The following LINGO2 variants were observed in gnomAD, a reference collection of about 807,000 sequenced individuals.
LINGO2 encodes leucine-rich repeat and immunoglobulin-like domain-containing nogo receptor-interacting protein 2.
Under a neutral mutation model 30.6 loss-of-function variants are expected in LINGO2, and 14 were observed. That is an observed-to-expected ratio of 0.46 (90% confidence interval 0.30 to 0.72). LINGO2 has a LOEUF of 0.72. LINGO2 is among the 30% of genes least tolerant of loss of function. The pLI, the probability that LINGO2 is intolerant of heterozygous loss-of-function variation, is 0.07. For synonymous variants in LINGO2, 317 were observed against 288.5 expected (o/e 1.10, Z -1.00); for missense variants, 729 against 751.7 (o/e 0.97, Z 0.35).
intron 4 of LINGO2, among the ~76,000 whole-genome samples, chr9:28,127,681 T>G (rs1827277131): frequency 6.6e-6 from 1 of 152,178 alleles, no homozygotes; most frequent in Non-Finnish European, 1.5e-5. Flanking sequence ...GGTGGAAATG[T>G]TCTCTCTATG....
the LINGO2 span, among the ~76,000 whole-genome samples, chr9:28,743,700 AGTTTTTTT>A: frequency 1.3e-5 from 2 of 151,868 alleles, no homozygotes; most frequent in South Asian, 2.1e-4. Flanking sequence ...TGGGATGAGT[AGTTTTTTT>A]GTTTTTTTGT....
chr9:28,694,566 C>A, the LINGO2 span, among the ~76,000 whole-genome samples: 1 of 151,986 alleles, frequency 6.6e-6, no homozygotes, highest in African/African-American at 2.4e-5. Context: ...ACCAACTCCT[C>A]CTATCCTCAC....
At chr9:28,849,562 CA>C in the LINGO2 span, among the ~76,000 whole-genome samples, 1 of 151,994 alleles carries the variant, frequency 6.6e-6, no homozygotes, top group South Asian at 2.1e-4. Flanking sequence ...CCATAATTAA[CA>C]GAGGAAGCTG....
intron 1 of LINGO2, among the ~76,000 whole-genome samples, chr9:28,647,233 C>G (rs899397810): frequency 2.6e-5 from 4 of 152,074 alleles, no homozygotes; most frequent in African/African-American, 9.7e-5. Context: ...TGATCAAACT[C>G]AAAATATTAA....
At chr9:28,387,665 A>G (rs1327269371) in intron 2 of LINGO2, among the ~76,000 whole-genome samples, 1 of 152,120 alleles carries the variant, frequency 6.6e-6, no homozygotes, top group Non-Finnish European at 1.5e-5. Flanking sequence ...ACAACTGTGG[A>G]CGCGCCACCT....
chr9:28,018,511 A>C (rs751548310), intron 4 of LINGO2, among the ~76,000 whole-genome samples: 1 of 152,212 alleles, frequency 6.6e-6, no homozygotes, highest in Non-Finnish European at 1.5e-5. Context: ...GCAAAAAACC[A>C]AACTATTAAA....
intron 5 of LINGO2, among the ~76,000 whole-genome samples, chr9:27,963,409 G>C (rs536544637): frequency 4.6e-5 from 7 of 152,192 alleles, no homozygotes; most frequent in African/African-American, 1.7e-4. Context: ...AATGGAGAAA[G>C]AGAAATGAAT....
chr9:28,092,611 G>A (rs568512919), intron 4 of LINGO2, among the ~76,000 whole-genome samples: 5 of 151,730 alleles, frequency 3.3e-5, no homozygotes, highest in Non-Finnish European at 5.9e-5. Context: ...ATGAGTTAAT[G>A]GGTGCAGCAC....
chr9:28,048,703 G>A lies in LINGO2; in HGVS notation c.-86-36298C>T, dbSNP rs1824533999. 5.3e-5 allele frequency among the ~76,000 whole-genome samples: 8 copies of A among 150,614 alleles called. No individual in the cohort carries two copies. The South Asian group carries it at 1.7e-3, about 32-fold the overall frequency. ...CTACGATGCCAAAAGGCTGAAAATA[G>A]CATAAATGTCCAAGATTAAAGGAAA... is the stretch of plus-strand genomic sequence containing the variant. On this transcript the variant is annotated intron_variant, in intron 4 of 5. Coordinates refer to ENST00000379992, the Ensembl canonical transcript of LINGO2.
At chr9:28,291,368 T>A (rs1354262962) in intron 4 of LINGO2, among the ~76,000 whole-genome samples, 4 of 152,130 alleles carry the variant, frequency 2.6e-5, no homozygotes, top group African/African-American at 9.7e-5. Flanking sequence ...CATCCACGTG[T>A]TCCTTAGCCC....
At chr9:28,404,355 C>A (rs115071809) in intron 2 of LINGO2, among the ~76,000 whole-genome samples, 3,011 of 151,050 alleles carry the variant, frequency 0.02, 97 homozygotes, top group African/African-American at 0.069. Context: ...GAAAAAAAAT[C>A]AGCTTACTTT....
At chr9:28,256,238 A>T (rs1030683972) in intron 4 of LINGO2, among the ~76,000 whole-genome samples, 1 of 151,998 alleles carries the variant, frequency 6.6e-6, no homozygotes, top group Non-Finnish European at 1.5e-5. Flanking sequence ...TTTTTCTTCA[A>T]AAGTAAAATG....
chr9:28,566,701 T>C (rs1177013555), intron 1 of LINGO2, among the ~76,000 whole-genome samples: 4 of 152,158 alleles, frequency 2.6e-5, no homozygotes, highest in African/African-American at 4.8e-5. Flanking sequence ...AAAATGAAAG[T>C]AGTTTGTAAC....
chr9:28,454,588 A>G (rs578193811), intron 2 of LINGO2, among the ~76,000 whole-genome samples: 27 of 152,120 alleles, frequency 1.8e-4, no homozygotes, highest in Non-Finnish European at 3.5e-4. Context: ...TACATATTAT[A>G]TATATATACA....
chr9:29,003,859 T>C, the LINGO2 span, among the ~76,000 whole-genome samples: 135 of 152,164 alleles, frequency 8.9e-4, no homozygotes, highest in African/African-American at 3.2e-3. Context: ...TCTGTATCAC[T>C]AGATTTTATT....
chr9:28,264,905 A>T (rs1822692301), intron 4 of LINGO2, among the ~76,000 whole-genome samples: 1 of 151,940 alleles, frequency 6.6e-6, no homozygotes, highest in Admixed American at 6.6e-5. Context: ...GACTTGTCTA[A>T]TCAGTCTGAA....
chr9:28,852,607 A>AT, the LINGO2 span, among the ~76,000 whole-genome samples: 3 of 152,012 alleles, frequency 2.0e-5, no homozygotes, highest in African/African-American at 7.2e-5. Context: ...AAAATTCAAG[A>AT]TAACAGCTTA....
At chr9:28,499,101 C>T (rs4879249) in intron 1 of LINGO2, among the ~76,000 whole-genome samples, 107,626 of 151,984 alleles carry the variant, frequency 0.71, 38,187 homozygotes, top group South Asian at 0.76. Context: ...GAGCAGCTTA[C>T]TTAACTCTAA....
intron 5 of LINGO2, among the ~76,000 whole-genome samples, chr9:27,991,976 A>G (rs771009195): frequency 6.6e-6 from 1 of 151,970 alleles, no homozygotes; most frequent in Non-Finnish European, 1.5e-5. Flanking sequence ...AATATCGTAC[A>G]CTCATTTTCA....
Sources: gnomAD v4.1 joint callset for allele counts (sites outside exome capture counted in the v4.1 genomes callset) on GRCh38, gnomAD v4.1.1 for gene constraint, MANE v1.5 for transcripts, NCBI Gene and HGNC (gene_info 2026-07-23, HGNC 2026-07-21) for gene names.